SGCD: variants seen among roughly 807,000 people sequenced by gnomAD.
SGCD encodes the protein sarcoglycan delta, also known as delta-sarcoglycan.
In SGCD, 18 loss-of-function variants were observed where a neutral mutation model predicts 36.6. The observed-to-expected ratio is 0.49, with a 90% CI of 0.34 to 0.73. SGCD has a LOEUF of 0.73. Among genes scored for constraint, SGCD ranks in the 30% least tolerant of loss-of-function variants. The pLI is 0.01. For synonymous variants in SGCD, 133 were observed against 130.6 expected, an observed-to-expected ratio of 1.02 and a Z score of -0.12; for missense variants, 387 against 346.7, an observed-to-expected ratio of 1.12 and a Z score of -0.92.
intron 3 of SGCD, among the ~76,000 whole-genome samples, chr5:156,215,839 T>C (rs1764557219): frequency 1.3e-5 from 2 of 152,106 alleles, no homozygotes; most frequent in African/African-American, 4.8e-5. Flanking sequence ...AGTTGATATA[T>C]ATACAAAGGA....
intron 1 of SGCD, among the ~76,000 whole-genome samples, chr5:156,109,222 A>G (rs773558036): frequency 5.9e-5 from 9 of 152,152 alleles, no homozygotes; most frequent in Admixed American, 1.3e-4. Context: ...CTTCTTGTGA[A>G]GTAACATTTC....
At chr5:156,207,248 T>C (rs1348777487) in intron 3 of SGCD, among the ~76,000 whole-genome samples, 2 of 152,134 alleles carry the variant, frequency 1.3e-5, no homozygotes, top group Non-Finnish European at 2.9e-5. Flanking sequence ...ACTCGGTCAA[T>C]ATAATTTTTA....
At chr5:156,617,212 A>C (rs1762052391) in intron 6 of SGCD, among the ~76,000 whole-genome samples, 1 of 152,214 alleles carries the variant, frequency 6.6e-6, no homozygotes, top group African/African-American at 2.4e-5. Flanking sequence ...TTGAATACTG[A>C]AATGTCTCAC....
At chr5:156,015,679 A>G (rs1398226838) in intron 1 of SGCD, among the ~76,000 whole-genome samples, 1 of 151,370 alleles carries the variant, frequency 6.6e-6, no homozygotes, top group Non-Finnish European at 1.5e-5. Context: ...ATATATCCTT[A>G]CCACTTTTGT....
At chr5:156,009,487 A>G (rs1229207638) in intron 1 of SGCD, among the ~76,000 whole-genome samples, 1 of 152,100 alleles carries the variant, frequency 6.6e-6, no homozygotes, top group East Asian at 1.9e-4. Flanking sequence ...GCTATTTCAG[A>G]TTGTTGGGGA....
chr5:156,013,208 A>G (rs1051015609), intron 1 of SGCD, among the ~76,000 whole-genome samples: 6 of 151,802 alleles, frequency 4.0e-5, no homozygotes, highest in African/African-American at 1.5e-4. Flanking sequence ...TATTTTTAGT[A>G]GAGATGGAGT....
chr5:156,757,796 A>C, intron 8 of SGCD, 92 bp downstream of exon 8: 1 of 1,470,120 alleles, frequency 6.8e-7, no homozygotes, highest in Admixed American at 2.4e-5. Context: ...TGGATCCTAC[A>C]GTGTATCAAC....
At chr5:156,108,768 G>A (rs1056417234) in intron 1 of SGCD, among the ~76,000 whole-genome samples, 18 of 152,090 alleles carry the variant, frequency 1.2e-4, no homozygotes, top group Non-Finnish European at 4.4e-5. Flanking sequence ...GGATAAGAGG[G>A]TTGATCAAGT....
chr5:156,255,171 T>C (rs1288612061), intron 3 of SGCD, among the ~76,000 whole-genome samples: 1 of 152,186 alleles, frequency 6.6e-6, no homozygotes, highest in East Asian at 1.9e-4. Flanking sequence ...GCAAATATTC[T>C]GAAATCTGAA....
intron 3 of SGCD, among the ~76,000 whole-genome samples, chr5:156,446,157 G>A (rs1358180174): frequency 2.6e-5 from 4 of 152,130 alleles, no homozygotes; most frequent in African/African-American, 7.2e-5. Flanking sequence ...CCCAGGAAAT[G>A]CAGGCAGAGA....
chr5:156,405,341 T>C (rs1772352709), intron 3 of SGCD, among the ~76,000 whole-genome samples: 1 of 152,168 alleles, frequency 6.6e-6, no homozygotes, highest in Non-Finnish European at 1.5e-5. Context: ...AGAAAATTAT[T>C]ATATGCAGTT....
chr5:156,626,795 C>T (rs565164175), intron 6 of SGCD, among the ~76,000 whole-genome samples: 7 of 151,074 alleles, frequency 4.6e-5, no homozygotes, highest in African/African-American at 9.8e-5. Flanking sequence ...CACTCCCCCC[C>T]ACCCTGCTTT....
intron 3 of SGCD, among the ~76,000 whole-genome samples, chr5:156,373,249 G>A (rs548670955): frequency 2.6e-5 from 4 of 152,180 alleles, no homozygotes; most frequent in Middle Eastern, 3.4e-3. Flanking sequence ...TTACATTTTC[G>A]ACTTCTTCTT....
rs147201877 is a variant in SGCD at position 156,029,865 on chromosome 5, A to G, written c.-281-88013A>G. Among the ~76,000 whole-genome samples the G allele has an allele frequency of 1.7e-3, 254 of 152,222 alleles. 3 individuals carry two copies. The East Asian group carries it at 0.03, about 18-fold the overall frequency. ...AATATTTCGTTCATACAGCTTCGCTACTTGGAAACTTACAGCCTCTTTTCT... is the reference window on the plus strand; with the variant it reads ...AATATTTCGTTCATACAGCTTCGCTGCTTGGAAACTTACAGCCTCTTTTCT... On this transcript the variant is annotated intron_variant, in intron 1 of 9. Transcript: ENST00000517913.
chr5:155,764,713 G>A, the SGCD span, among the ~76,000 whole-genome samples: 1 of 152,150 alleles, frequency 6.6e-6, no homozygotes, highest in African/African-American at 2.4e-5. Flanking sequence ...CATGGGGACA[G>A]TACATGGAAG....
intron 6 of SGCD, among the ~76,000 whole-genome samples, chr5:156,599,355 T>C (rs1042001109): frequency 1.3e-4 from 20 of 151,394 alleles, no homozygotes; most frequent in African/African-American, 4.9e-4. Flanking sequence ...CTCTCTAAGC[T>C]TTAGTTTCCA....
At chr5:156,095,276 G>A (rs1455352039) in intron 1 of SGCD, among the ~76,000 whole-genome samples, 2 of 152,172 alleles carry the variant, frequency 1.3e-5, no homozygotes, top group East Asian at 1.9e-4. Flanking sequence ...AGAGGTCCAC[G>A]TGCAGGGGAG....
chr5:155,819,036 G>C, the SGCD span, among the ~76,000 whole-genome samples: 1 of 152,120 alleles, frequency 6.6e-6, no homozygotes, highest in Non-Finnish European at 1.5e-5. Context: ...GAACTAGACT[G>C]AGTGTCATGA....
At chr5:156,657,666 G>T (rs1010668466) in intron 7 of SGCD, among the ~76,000 whole-genome samples, 2 of 152,130 alleles carry the variant, frequency 1.3e-5, no homozygotes, top group Non-Finnish European at 2.9e-5. Flanking sequence ...GGGAGGCTGA[G>T]GCAGGAGAAT....
Sources: allele counts gnomAD v4.1 joint callset (sites outside exome capture counted in the v4.1 genomes callset), GRCh38; gene constraint gnomAD v4.1.1; transcripts MANE v1.5; gene names NCBI Gene and HGNC (gene_info 2026-07-23, HGNC 2026-07-21).